Variants in SHPRH observed in about 807,000 individuals in gnomAD.
SHPRH encodes SNF2 histone linker PHD RING helicase.
In SHPRH, 106 loss-of-function variants were observed where a neutral mutation model predicts 202.5. The observed-to-expected ratio is 0.52, with a 90% CI of 0.45 to 0.62. SHPRH has a LOEUF of 0.62. SHPRH is among the 20% of genes least tolerant of loss of function. The pLI, the probability that SHPRH is intolerant of heterozygous loss-of-function variation, is 0.00. For missense variants in SHPRH, 1,710 were observed against 2,020.0 expected, an observed-to-expected ratio of 0.85 and a Z score of 2.94; for synonymous variants, 729 against 686.0, an observed-to-expected ratio of 1.06 and a Z score of -0.98.
At chr6:145,904,977 A>G (rs1410922290) in intron 25 of SHPRH, 3 of 152,116 alleles carry the variant, frequency 2.0e-5, no homozygotes, top group Admixed American at 6.6e-5. Context: ...GGTGTCTAGG[A>G]AAGCTGCCAT....
At chr6:145,868,430 A>G (rs1315946647) in intron 2 of SHPRH, among the ~76,000 whole-genome samples, 1 of 152,204 alleles carries the variant, frequency 6.6e-6, no homozygotes, top group African/African-American at 2.4e-5. Context: ...CACACAGCTG[A>G]TAAGTTGTGA....
chr6:145,914,709 ACTT>A (rs1330623322), intron 23 of SHPRH, among the ~76,000 whole-genome samples: 10 of 152,212 alleles, frequency 6.6e-5, no homozygotes, highest in African/African-American at 1.4e-4. Flanking sequence ...TTCCATTTTG[ACTT>A]CTTCTTTGAC....
downstream of SHPRH, among the ~76,000 whole-genome samples, chr6:145,862,286 A>G (rs1779604605): frequency 6.6e-6 from 1 of 151,626 alleles, no homozygotes; most frequent in Non-Finnish European, 1.5e-5. Flanking sequence ...CGTTTCTACT[A>G]AAAATACAAA....
intron 1 of SHPRH, among the ~76,000 whole-genome samples, chr6:145,962,398 T>C (rs1364282246): frequency 3.9e-5 from 6 of 152,236 alleles, no homozygotes; most frequent in African/African-American, 7.2e-5. Flanking sequence ...GATACTTTAC[T>C]CTTATTTCTT....
intron 21 of SHPRH, among the ~76,000 whole-genome samples, chr6:145,920,525 T>A (rs1583399842): frequency 6.6e-6 from 1 of 151,634 alleles, no homozygotes; most frequent in Non-Finnish European, 1.5e-5. Flanking sequence ...TATCCTACTT[T>A]AAAAAGCAAG....
downstream of SHPRH, among the ~76,000 whole-genome samples, chr6:145,862,311 G>A (rs974517413): frequency 1.6e-4 from 25 of 152,034 alleles, no homozygotes; most frequent in East Asian, 4.5e-3. Context: ...AAAATTAGCC[G>A]GGCGCGGTGG....
At chr6:145,952,783 A>T (rs180682765) in intron 2 of SHPRH, among the ~76,000 whole-genome samples, 11 of 152,234 alleles carry the variant, frequency 7.2e-5, no homozygotes, top group Non-Finnish European at 1.5e-4. Flanking sequence ...TGATTCCCAA[A>T]ACTGATGAAT....
intron 1 of SHPRH, among the ~76,000 whole-genome samples, chr6:145,959,910 T>C (rs915814933): frequency 6.6e-6 from 1 of 152,264 alleles, no homozygotes; most frequent in Non-Finnish European, 1.5e-5. Flanking sequence ...TAAGTGTTTA[T>C]GTTTGTCCAG....
At chr6:145,864,873 T>C (rs1049398426) in intron 2 of SHPRH, among the ~76,000 whole-genome samples, 2 of 151,996 alleles carry the variant, frequency 1.3e-5, no homozygotes, top group African/African-American at 4.8e-5. Flanking sequence ...ACTATCATTT[T>C]TTGCTAATGT....
At chr6:145,916,601 C>G (rs556821345) in intron 23 of SHPRH, among the ~76,000 whole-genome samples, 1 of 152,132 alleles carries the variant, frequency 6.6e-6, no homozygotes, top group East Asian at 1.9e-4. Flanking sequence ...CTTTTATTAA[C>G]AGCCAAATTG....
Position 145,924,762 on chromosome 6 carries a change from T to C in SHPRH, c.3379A>G (p.Thr1127Ala). The change falls in exon 17 of 30, where the codon ACC becomes GCC. Residue 1127 changes from threonine to alanine, a missense_variant. Thr to Ala is a moderately conservative substitution (Grantham distance 58). Coordinates refer to ENST00000275233, the MANE Select transcript of SHPRH (RefSeq NM_001042683.3). ...AQQALYPVQQ[T>A]IHELQRKIHS... Reference sequence around the variant, plus strand: ...ACCTTTCTTTGAAGCTCATGGATGGTCTGCTGCACAGGATATAAAGCTTGC... The same window carrying C: ...ACCTTTCTTTGAAGCTCATGGATGGCCTGCTGCACAGGATATAAAGCTTGC... The C allele has an allele frequency of 1.9e-6, 3 of 1,611,784 alleles. No homozygotes were observed. Among genetic ancestry groups the C allele is most frequent in the South Asian group, 1.1e-5 (1 of 90,962 alleles).
chr6:145,937,876 A>C (rs563052964), intron 11 of SHPRH, among the ~76,000 whole-genome samples: 1 of 152,186 alleles, frequency 6.6e-6, no homozygotes, highest in Admixed American at 6.5e-5. Flanking sequence ...CAATTGTATG[A>C]TGTTATAGAA....
intron 25 of SHPRH, among the ~76,000 whole-genome samples, chr6:145,897,075 A>G (rs540339460): frequency 5.3e-5 from 8 of 152,108 alleles, no homozygotes; most frequent in African/African-American, 1.4e-4. Context: ...AATAGAGATC[A>G]GAAAAAAAAT....
At chr6:145,922,450 G>T in intron 19 of SHPRH, 102 bp from the exon 20 acceptor site, 3 of 1,315,720 alleles carry the variant, frequency 2.3e-6, no homozygotes, top group Non-Finnish European at 3.1e-6. Context: ...CTTTCCACTA[G>T]ATATGCCATT....
At chr6:145,949,336 T>A (rs1787736089) in intron 4 of SHPRH, among the ~76,000 whole-genome samples, 1 of 151,972 alleles carries the variant, frequency 6.6e-6, no homozygotes, top group Admixed American at 6.6e-5. Flanking sequence ...AATGAGTGGA[T>A]AAAGAAAATG....
intron 13 of SHPRH, 64 bp downstream of exon 13, chr6:145,934,843 T>G: frequency 6.8e-7 from 1 of 1,463,270 alleles, no homozygotes; most frequent in Non-Finnish European, 9.2e-7. Flanking sequence ...AATGAAACCG[T>G]GGGCCTGAAA....
In SHPRH at chr6:145,865,904, T is replaced by C. The variant is rs577147157; in HGVS notation, c.222-1413A>G. 4.6e-5 allele frequency among the ~76,000 whole-genome samples: 7 copies of C among 152,370 alleles called. No individual in the cohort carries two copies. In the East Asian group the frequency reaches 1.3e-3, roughly 29 times the overall value. On this transcript the variant is annotated intron_variant, in intron 2 of 2. Coordinates refer to the SHPRH transcript ENST00000417762. Reference sequence around the variant, plus strand: ...ACAAAAGAGCACCTTTTGCAGAAGCTAGGACAATGTGGTAGAGTGAAACAA... The same window carrying C: ...ACAAAAGAGCACCTTTTGCAGAAGCCAGGACAATGTGGTAGAGTGAAACAA...
At chr6:145,917,972 G>A (rs1315722736) in intron 23 of SHPRH, 159 bp downstream of exon 23, 1 of 459,682 alleles carries the variant, frequency 2.2e-6, no homozygotes. Context: ...ATATTCTTTT[G>A]TGATCTCTGA....
intron 2 of SHPRH, 36 bp downstream of exon 2, chr6:145,954,654 A>G (rs779727694): frequency 1.8e-5 from 28 of 1,532,272 alleles, no homozygotes; most frequent in Non-Finnish European, 2.3e-5. Context: ...CCAATGTAGA[A>G]GAGCCTCAAA....
Sources: allele counts gnomAD v4.1 joint callset (sites outside exome capture counted in the v4.1 genomes callset), GRCh38; gene constraint gnomAD v4.1.1; transcripts MANE v1.5; gene names NCBI Gene and HGNC (gene_info 2026-07-23, HGNC 2026-07-21).